EYS: variants seen among roughly 807,000 people sequenced by gnomAD.
The protein encoded by EYS is EGF-like photoreceptor maintenance factor, also known as protein eyes shut homolog.
In EYS, 250 loss-of-function variants were observed where a neutral mutation model predicts 282.1. The observed-to-expected ratio is 0.89, with a 90% CI of 0.80 to 0.98. The LOEUF is 0.98. EYS is among the 50% of genes least tolerant of loss of function. The pLI, the probability that EYS is intolerant of heterozygous loss-of-function variation, is 0.00. For synonymous variants in EYS, 1,355 were observed against 1,282.9 expected, an observed-to-expected ratio of 1.06 and a Z score of -1.20; for missense variants, 4,016 against 3,709.0, an observed-to-expected ratio of 1.08 and a Z score of -2.15.
intron 31 of EYS, among the ~76,000 whole-genome samples, chr6:64,195,664 T>A (rs1204779481): frequency 6.6e-6 from 1 of 152,218 alleles, no homozygotes; most frequent in African/African-American, 2.4e-5. Flanking sequence ...TACTATAATG[T>A]TTCTTTATGT....
chr6:63,904,582 T>C (rs1773731742), intron 35 of EYS, among the ~76,000 whole-genome samples: 1 of 152,152 alleles, frequency 6.6e-6, no homozygotes, highest in Admixed American at 6.5e-5. Flanking sequence ...CCAAATCACC[T>C]CTGGGAAGAT....
rs115397865 is a variant in EYS, at chr6:64,405,879, C to G, written c.5928-17039G>C. On this transcript the variant is annotated intron_variant, in intron 28 of 42. Transcript: ENST00000503581. ...GCTCAGGAATAGGAAGAAGCAATAT[C>G]GTGAAAAGTAATTTATAATTTCAAT... Among the ~76,000 whole-genome samples, 359 of 151,732 alleles carry G rather than the reference C, an allele frequency of 2.4e-3. 1 individual carries two copies. The highest frequency in any genetic ancestry group is 8.3e-3 in the African/African-American group (345 of 41,480).
chr6:63,759,757 A>G (rs1562012985), intron 41 of EYS, among the ~76,000 whole-genome samples: 1 of 152,106 alleles, frequency 6.6e-6, no homozygotes, highest in African/African-American at 2.4e-5. Flanking sequence ...AAAAACAAGT[A>G]TTTGAAAACA....
chr6:65,698,409 A>G (rs1269382634), intron 1 of EYS, among the ~76,000 whole-genome samples: 1 of 152,146 alleles, frequency 6.6e-6, no homozygotes, highest in South Asian at 2.1e-4. Flanking sequence ...TAATTAATGC[A>G]TCGATTAAAT....
chr6:64,562,058 A>G (rs568337602), intron 26 of EYS, among the ~76,000 whole-genome samples: 11 of 152,086 alleles, frequency 7.2e-5, no homozygotes, highest in Non-Finnish European at 1.6e-4. Flanking sequence ...ACATAGACCA[A>G]TGGAAACACA....
At chr6:64,945,031 T>A (rs780607181) in intron 15 of EYS, among the ~76,000 whole-genome samples, 2 of 148,680 alleles carry the variant, frequency 1.3e-5, no homozygotes, top group African/African-American at 5.0e-5. Context: ...ATAATGAAGA[T>A]AATAATCAAT....
chr6:65,654,811 G>A (rs778012165), intron 1 of EYS, among the ~76,000 whole-genome samples: 5 of 151,290 alleles, frequency 3.3e-5, no homozygotes, highest in Non-Finnish European at 5.9e-5. Context: ...ACCATACCAC[G>A]GAGAGACACA....
At chr6:64,258,008 A>C (rs1380832008) in intron 30 of EYS, among the ~76,000 whole-genome samples, 1 of 152,046 alleles carries the variant, frequency 6.6e-6, no homozygotes, top group African/African-American at 2.4e-5. Flanking sequence ...AACTGGTATC[A>C]AATCTTAATA....
intron 14 of EYS, among the ~76,000 whole-genome samples, chr6:64,992,578 C>T (rs1771100702): frequency 6.6e-6 from 1 of 151,758 alleles, no homozygotes; most frequent in Non-Finnish European, 1.5e-5. Flanking sequence ...TGTCACACTC[C>T]AAAGTATCTG....
At chr6:64,325,747 C>T (rs1399427590) in intron 29 of EYS, among the ~76,000 whole-genome samples, 1 of 152,064 alleles carries the variant, frequency 6.6e-6, no homozygotes, top group Non-Finnish European at 1.5e-5. Flanking sequence ...ACACTGGACA[C>T]ACTTACAAAA....
At chr6:64,818,521 C>T (rs149395473) in intron 21 of EYS, among the ~76,000 whole-genome samples, 5 of 152,180 alleles carry the variant, frequency 3.3e-5, no homozygotes, top group Non-Finnish European at 5.9e-5. Context: ...GAAGCCAGTC[C>T]GAGTCCCAAA....
At chr6:64,650,958 TAGA>T (rs1367621210) in intron 22 of EYS, among the ~76,000 whole-genome samples, 20 of 152,062 alleles carry the variant, frequency 1.3e-4, no homozygotes, top group South Asian at 2.1e-4. Flanking sequence ...GTTTGACTAA[TAGA>T]AGAATAAATA....
At chr6:65,355,295 T>C (rs181486902) in intron 8 of EYS, among the ~76,000 whole-genome samples, 2 of 75,916 alleles carry the variant, frequency 2.6e-5, no homozygotes, top group Non-Finnish European at 5.9e-5. Flanking sequence ...TACCAAAATC[T>C]AAGAAATCAC....
chr6:65,113,629 TCATGC>T (rs1775283531), intron 12 of EYS, among the ~76,000 whole-genome samples: 1 of 152,104 alleles, frequency 6.6e-6, no homozygotes, highest in Non-Finnish European at 1.5e-5. Context: ...ACTTCTTTCT[TCATGC>T]CATGTTCTTC....
chr6:64,188,005 G>A (rs1764998083), intron 31 of EYS, among the ~76,000 whole-genome samples: 2 of 152,106 alleles, frequency 1.3e-5, no homozygotes, highest in South Asian at 2.1e-4. Context: ...ACAAAGTAAT[G>A]AGTTGAGATG....
intron 35 of EYS, among the ~76,000 whole-genome samples, chr6:63,967,257 G>A (rs1431743807): frequency 3.9e-5 from 6 of 152,120 alleles, no homozygotes; most frequent in Non-Finnish European, 8.8e-5. Context: ...TGTTATTCAG[G>A]AGTGTCCCCA....
Position 63,993,108 on chromosome 6 carries a change from C to T in EYS, c.6834+5967G>A, listed in dbSNP as rs117795090. On this transcript the variant is annotated intron_variant, in intron 34 of 42. Transcript: ENST00000503581. ...ACAATCACAGGATCATCTCAATAAA[C>T]GCAAAATGTCATTTTACAAAATTTG... 1.6e-3 allele frequency among the ~76,000 whole-genome samples: 247 copies of T among 151,756 alleles called. 3 individuals carry two copies. The East Asian group carries it at 0.036, about 22-fold the overall frequency.
At chr6:64,795,899 G>A (rs1033529427) in intron 22 of EYS, among the ~76,000 whole-genome samples, 1 of 152,174 alleles carries the variant, frequency 6.6e-6, no homozygotes, top group Admixed American at 6.5e-5. Context: ...GAGGGTTTAT[G>A]CATTGTAGAA....
intron 32 of EYS, among the ~76,000 whole-genome samples, chr6:64,076,890 C>G (rs2149864349): frequency 1.3e-5 from 2 of 152,008 alleles, no homozygotes; most frequent in South Asian, 2.1e-4. Flanking sequence ...ATGTCACAAC[C>G]AGGTTTCCCA....
Sources: gnomAD v4.1 joint callset for allele counts (sites outside exome capture counted in the v4.1 genomes callset) on GRCh38, gnomAD v4.1.1 for gene constraint, MANE v1.5 for transcripts, NCBI Gene and HGNC (gene_info 2026-07-23, HGNC 2026-07-21) for gene names.